The following ACLY variants were observed in gnomAD, a reference collection of about 807,000 sequenced individuals.
ACLY encodes ATP citrate lyase.
In ACLY, 41 loss-of-function variants were observed where a neutral mutation model predicts 133.0. That is an observed-to-expected ratio of 0.31 (90% confidence interval 0.24 to 0.40). The LOEUF is 0.40. ACLY is among the 10% of genes least tolerant of loss of function. The pLI is 1.00. For missense variants in ACLY, 1,046 were observed against 1,453.8 expected (o/e 0.72, Z 4.56); for synonymous variants, 495 against 549.3 (o/e 0.90, Z 1.38).
chr17:41,904,226 A>AAGGAAGGAAGGGAGGGG (rs1387983576), intron 10 of ACLY, among the ~76,000 whole-genome samples: 1 of 95,024 alleles, frequency 1.1e-5, no homozygotes, highest in Admixed American at 1.1e-4. Flanking sequence ...GGAGGGAGGA[A>AAGGAAGGAAGGGAGGGG]AGGAAGGAAG....
intron 9 of ACLY, among the ~76,000 whole-genome samples, chr17:41,905,011 G>C (rs189260507): frequency 3.3e-5 from 5 of 151,988 alleles, no homozygotes; most frequent in Admixed American, 6.6e-5. Context: ...AAACCCACAG[G>C]AGCACTACAT....
rs543449919 is a variant in ACLY, at chr17:41,907,535, C to T, written c.654G>A (p.Ala218=). Residue 218 remains alanine (A), a synonymous_variant, in exon 7 of 29, where the codon GCG becomes GCA. Transcript: ENST00000352035. ...TKDGVYVLDL[A]AKVDATADYI... is the part of the protein sequence containing the mutation. ...AGTCGGCAGTGGCGTCCACCTTGGC[C>T]GCCAAGTCAAGGACATAGACTCCAT... is the stretch of plus-strand genomic sequence containing the variant. 1.2e-5 allele frequency: 20 copies of T among 1,613,932 alleles called. No homozygotes were observed. Among genetic ancestry groups the T allele is most frequent in the African/African-American group, 8.0e-5 (6 of 74,890 alleles).
At position 41,887,716 on chromosome 17, in the gene ACLY, A is replaced by G; in HGVS notation, c.1771-13T>C. 6.2e-7 allele frequency: 1 copy of G among 1,611,346 alleles called. No individual in the cohort carries two copies. The highest frequency in any genetic ancestry group is 8.5e-7 in the Non-Finnish European group (1 of 1,177,664). On this transcript the variant is annotated splice_polypyrimidine_tract_variant and intron_variant, in intron 16 of 28. Transcript: ENST00000352035. ...CGATGGTCCGGATCTAGAGGATGAC[A>G]AAAGTCCCTTCCTGTTAACTCTCTG...
Position 41,904,378 on chromosome 17 carries a change from AAGG to A in ACLY, c.1065+348_1065+350del, listed in dbSNP as rs1555632190. ...GAAGGAAGGGAAGGGAAGGGAAGGG[AAGG>A]GAAGGGAAAGGAAGAGAAGGGAAGG... On this transcript the variant is annotated intron_variant, in intron 10 of 28. Coordinates refer to ENST00000352035, the MANE Select transcript of ACLY (RefSeq NM_001096.3). The A allele has an allele frequency of 2.2e-3, 425 of 196,686 alleles. 8 individuals are homozygous for A. Among genetic ancestry groups the A allele is most frequent in the East Asian group, 0.02 (158 of 8,082 alleles). 12.2% of individuals were successfully genotyped at this position (196,686 alleles called of 1,614,324 possible). A position where few individuals can be genotyped will look rare whatever the true frequency, so the allele number is the denominator to read the frequency against.
chr17:41,875,739 C>T (rs1369935144), intron 22 of ACLY, among the ~76,000 whole-genome samples: 1 of 152,238 alleles, frequency 6.6e-6, no homozygotes, highest in Non-Finnish European at 1.5e-5. Flanking sequence ...CTCGTTCACT[C>T]AGTGCTCAAT....
At position 41,908,984 on chromosome 17, in the gene ACLY, G is replaced by C. The variant is rs1555633137; in HGVS notation, c.616+5C>G. The stretch of plus-strand genomic sequence containing the variant: ...GCCCCCTCCCAGCCAAGCACACCCA[G>C]TTACCAAGGGGATTGATCTCGAGGT... On this transcript the variant is annotated splice_donor_5th_base_variant and intron_variant, in intron 6 of 28. Transcript: ENST00000352035. 2 of 1,612,016 alleles carry C rather than the reference G, an allele frequency of 1.2e-6. No individual in the cohort carries two copies. Among genetic ancestry groups the C allele is most frequent in the Admixed American group, 1.7e-5 (1 of 59,982 alleles).
chr17:41,882,877 A>G (rs11658553), intron 20 of ACLY, among the ~76,000 whole-genome samples: 6,073 of 152,170 alleles, frequency 0.04, 416 homozygotes, highest in African/African-American at 0.14. Context: ...GCTGGTTGCT[A>G]CCTACGCCAA....
intron 7 of ACLY, 72 bp downstream of exon 7, chr17:41,907,370 T>C (rs2049751076): frequency 7.8e-7 from 1 of 1,282,756 alleles, no homozygotes; most frequent in Middle Eastern, 2.8e-4. Context: ...GGGGGCCAAA[T>C]GCACATCAAA....
intron 16 of ACLY, among the ~76,000 whole-genome samples, chr17:41,888,469 A>G (rs1555628670): frequency 1.3e-5 from 2 of 152,228 alleles, no homozygotes; most frequent in Non-Finnish European, 2.9e-5. Flanking sequence ...GTCAGCGTTT[A>G]AGAGAAATGA....
intron 1 of ACLY, among the ~76,000 whole-genome samples, chr17:41,915,892 A>C (rs1431774945): frequency 6.6e-6 from 1 of 151,766 alleles, no homozygotes. Flanking sequence ...AGCAATTCAG[A>C]CTCCTTCCAT....
chr17:41,901,209 T>C (rs2049529948), intron 11 of ACLY, among the ~76,000 whole-genome samples: 1 of 151,880 alleles, frequency 6.6e-6, no homozygotes, highest in Non-Finnish European at 1.5e-5. Context: ...ATCCTCCCAC[T>C]TCGACCTCCC....
intron 1 of ACLY, among the ~76,000 whole-genome samples, chr17:41,928,307 C>G (rs1173168266): frequency 1.3e-5 from 2 of 152,066 alleles, no homozygotes; most frequent in Admixed American, 1.3e-4. Context: ...TATCCTTTCT[C>G]CATTGAATCT....
At chr17:41,911,887 G>C (rs931907731) in intron 3 of ACLY, among the ~76,000 whole-genome samples, 1 of 152,128 alleles carries the variant, frequency 6.6e-6, no homozygotes, top group Admixed American at 6.6e-5. Context: ...AGCCGAGGCA[G>C]GCAGATTACC....
In ACLY at chr17:41,887,624, C is replaced by A. The variant is rs782289516; in HGVS notation, c.1850G>T (p.Gly617Val). The part of the protein sequence containing the change: ...RKLIKKADQK[G>V]VTIIGPATVG... Reference sequence around the variant, plus strand: ...AGTGGCAGGTCCGATGATGGTCACTCCCTTCTGGTCCGCCTTCTTGATCAG... The same window carrying A: ...AGTGGCAGGTCCGATGATGGTCACTACCTTCTGGTCCGCCTTCTTGATCAG... Residue 617 changes from glycine to valine, a missense_variant, in exon 17 of 29, where the codon GGA becomes GTA. Gly to Val is a moderately radical substitution (Grantham distance 109). Coordinates refer to ENST00000352035, the MANE Select transcript of ACLY (RefSeq NM_001096.3). The A allele has an allele frequency of 6.2e-7, 1 of 1,613,848 alleles. No individual in the cohort carries two copies. The highest frequency in any genetic ancestry group is 1.1e-5 in the South Asian group (1 of 91,070).
intron 14 of ACLY, among the ~76,000 whole-genome samples, chr17:41,895,856 C>T (rs936739252): frequency 3.3e-5 from 5 of 152,322 alleles, no homozygotes; most frequent in East Asian, 3.9e-4. Flanking sequence ...CCCGCCTCCA[C>T]GGCTGTGAAT....
intron 2 of ACLY, 124 bp from the exon 3 acceptor site, chr17:41,912,666 A>G: frequency 8.1e-7 from 1 of 1,239,472 alleles, no homozygotes. Context: ...GCCAGCCCTA[A>G]CCATCCTTCA....
intron 20 of ACLY, among the ~76,000 whole-genome samples, chr17:41,881,900 T>C (rs1567890861): frequency 1.3e-5 from 2 of 152,178 alleles, no homozygotes; most frequent in South Asian, 4.1e-4. Context: ...ACACACACTT[T>C]ACACAAAATG....
intron 11 of ACLY, among the ~76,000 whole-genome samples, chr17:41,901,174 G>T (rs1427748072): frequency 6.6e-6 from 1 of 151,274 alleles, no homozygotes; most frequent in Non-Finnish European, 1.5e-5. Flanking sequence ...TGCCCAGGCT[G>T]GTCTTGAACT....
At chr17:41,926,664 T>C (rs1234069531) in intron 1 of ACLY, among the ~76,000 whole-genome samples, 3 of 151,564 alleles carry the variant, frequency 2.0e-5, no homozygotes, top group Middle Eastern at 3.2e-3. Context: ...AATTTTTGTA[T>C]TTTTAGTAGA....
Sources: allele counts gnomAD v4.1 joint callset (sites outside exome capture counted in the v4.1 genomes callset), GRCh38; gene constraint gnomAD v4.1.1; transcripts MANE v1.5; gene names NCBI Gene and HGNC (gene_info 2026-07-23, HGNC 2026-07-21).